NRG4: variants seen among roughly 807,000 people sequenced by gnomAD.
NRG4 encodes the protein pro-neuregulin-4, membrane-bound isoform.
A neutral mutation model predicts 15.0 loss-of-function variants in NRG4; 10 were observed. That is an observed-to-expected ratio of 0.67 (90% CI 0.41 to 1.13). The LOEUF is 1.13. Ranked by LOEUF, NRG4 falls within the 50% of genes most tolerant of loss-of-function variation. The pLI is 0.00. For missense variants in NRG4, 139 were observed against 140.2 expected (o/e 0.99, Z 0.04); for synonymous variants, 41 against 50.1 (o/e 0.82, Z 0.77).
At chr15:75,984,973 T>A (rs2033744365) in intron 3 of NRG4, among the ~76,000 whole-genome samples, 1 of 152,126 alleles carries the variant, frequency 6.6e-6, no homozygotes, top group South Asian at 2.1e-4. Flanking sequence ...GCCTCCCATG[T>A]AGCTGTGACT....
At chr15:76,004,509 G>C (rs1201950472) in intron 3 of NRG4, among the ~76,000 whole-genome samples, 1 of 150,392 alleles carries the variant, frequency 6.6e-6, no homozygotes. Context: ...TGAGGCAGGA[G>C]AATCACTTGA....
At chr15:75,956,840 A>AT (rs1248765994) in intron 4 of NRG4, among the ~76,000 whole-genome samples, 2 of 152,194 alleles carry the variant, frequency 1.3e-5, no homozygotes, top group Middle Eastern at 3.2e-3. Flanking sequence ...TTGAAAGCAC[A>AT]TTTCCAAGTT....
chr15:75,956,850 T>C (rs2032265975), intron 4 of NRG4, among the ~76,000 whole-genome samples: 1 of 152,238 alleles, frequency 6.6e-6, no homozygotes, highest in Non-Finnish European at 1.5e-5. Flanking sequence ...ATTTCCAAGT[T>C]CACATGGTCA....
At chr15:76,011,585 CATT>C (rs532639358) in intron 1 of NRG4, among the ~76,000 whole-genome samples, 127 of 152,074 alleles carry the variant, frequency 8.4e-4, no homozygotes, top group African/African-American at 3.0e-3. Flanking sequence ...TTTTCGTAAA[CATT>C]GTTAACATAG....
At chr15:76,018,069 T>C (rs2035040698) in intron 5 of NRG4, among the ~76,000 whole-genome samples, 1 of 152,204 alleles carries the variant, frequency 6.6e-6, no homozygotes, top group South Asian at 2.1e-4. Flanking sequence ...CTTTATTTCA[T>C]TAAGTTGATC....
At chr15:76,030,872 C>T (rs1437253017) in intron 5 of NRG4, among the ~76,000 whole-genome samples, 1 of 152,056 alleles carries the variant, frequency 6.6e-6, no homozygotes. Flanking sequence ...ATGAACATTT[C>T]CCAACTCATT....
At chr15:75,964,568 A>G (rs2032695695) in intron 3 of NRG4, among the ~76,000 whole-genome samples, 1 of 152,330 alleles carries the variant, frequency 6.6e-6, no homozygotes, top group African/African-American at 2.4e-5. Context: ...TTGATAAGGA[A>G]GATCTCTTTT....
chr15:75,940,594 A>G (rs745720206), downstream of NRG4: 7 of 152,128 alleles, frequency 4.6e-5, no homozygotes, highest in African/African-American at 1.7e-4. Context: ...AAAACTTACT[A>G]TAATGCTACA....
chr15:75,968,563 G>A (rs1251629803), intron 3 of NRG4, among the ~76,000 whole-genome samples: 1 of 149,900 alleles, frequency 6.7e-6, no homozygotes, highest in Non-Finnish European at 1.5e-5. Flanking sequence ...CTCCAGCCTT[G>A]GCGATAGAGC....
chr15:76,050,413 G>GCATTATTGT (rs2035967561), intron 4 of NRG4, among the ~76,000 whole-genome samples: 1 of 145,472 alleles, frequency 6.9e-6, no homozygotes, highest in African/African-American at 2.6e-5. Flanking sequence ...TACTGGAAAA[G>GCATTATTGT]CATTATTGTC....
intron 5 of NRG4, among the ~76,000 whole-genome samples, chr15:76,027,036 G>T (rs1381887985): frequency 4.6e-5 from 7 of 152,112 alleles, no homozygotes; most frequent in African/African-American, 1.7e-4. Flanking sequence ...CAGGAGAATG[G>T]TATGAGCCCG....
chr15:76,037,741 C>T (rs1047540882), intron 4 of NRG4, among the ~76,000 whole-genome samples: 42 of 152,276 alleles, frequency 2.8e-4, no homozygotes, highest in African/African-American at 8.2e-4. Flanking sequence ...CTACCCGTCC[C>T]CCAACCCCAG....
chr15:75,943,450 G>A lies in NRG4; in HGVS notation c.*188C>T, dbSNP rs1002737483. ...TATCACCCCCTACTTAGCAGTTGCC[G>A]ATGGACTGATGCACATTACAGAAGC... On this transcript the variant is annotated 3_prime_UTR_variant, in exon 6 of 6. Coordinates refer to ENST00000394907, the MANE Select transcript of NRG4 (RefSeq NM_138573.4). 7.4e-5 allele frequency: 42 copies of A among 568,586 alleles called. No individual in the cohort carries two copies. The highest frequency in any genetic ancestry group is 9.6e-5 in the Non-Finnish European group (31 of 321,704). 35.2% of individuals were successfully genotyped at this position (568,586 alleles called of 1,614,324 possible). A position where few individuals can be genotyped will look rare whatever the true frequency, so the allele number is the denominator to read the frequency against.
intron 4 of NRG4, among the ~76,000 whole-genome samples, chr15:76,039,829 T>C (rs2035687252): frequency 1.3e-5 from 2 of 152,154 alleles, no homozygotes; most frequent in African/African-American, 4.8e-5. Flanking sequence ...AGGTGGACCA[T>C]TTGAGGCCAG....
intron 5 of NRG4, chr15:75,945,976 A>AT (rs1375693052): frequency 6.6e-6 from 1 of 152,228 alleles, no homozygotes; most frequent in African/African-American, 2.4e-5. Context: ...ATATGACAGC[A>AT]TCACTACTCC....
intron 5 of NRG4, among the ~76,000 whole-genome samples, chr15:75,954,578 C>A (rs924241459): frequency 2.6e-5 from 4 of 151,362 alleles, no homozygotes; most frequent in Non-Finnish European, 5.9e-5. Context: ...TACAGGCACC[C>A]ACCATTGGTT....
intron 3 of NRG4, among the ~76,000 whole-genome samples, chr15:75,969,547 A>G (rs1031076350): frequency 6.6e-6 from 1 of 152,192 alleles, no homozygotes; most frequent in Non-Finnish European, 1.5e-5. Flanking sequence ...CTATTCTTGG[A>G]TATGTGACAC....
At chr15:75,964,717 G>T (rs2032704863) in intron 3 of NRG4, among the ~76,000 whole-genome samples, 1 of 151,898 alleles carries the variant, frequency 6.6e-6, no homozygotes, top group Non-Finnish European at 1.5e-5. Context: ...CTTGAGCCCA[G>T]GAGTTTGAGA....
intron 2 of NRG4, among the ~76,000 whole-genome samples, chr15:76,055,404 T>C (rs1048329887): frequency 6.6e-6 from 1 of 152,242 alleles, no homozygotes; most frequent in Non-Finnish European, 1.5e-5. Context: ...GAACAATGTT[T>C]AAGTAATCAA....
Sources: allele counts gnomAD v4.1 joint callset (sites outside exome capture counted in the v4.1 genomes callset), GRCh38; gene constraint gnomAD v4.1.1; transcripts MANE v1.5; gene names NCBI Gene and HGNC (gene_info 2026-07-23, HGNC 2026-07-21).